Variants in ARHGAP24 observed in about 807,000 individuals in gnomAD.
ARHGAP24 encodes rho GTPase-activating protein 24.
ARHGAP24 carries 50 observed loss-of-function variants against 76.4 expected under a neutral mutation model. The ratio of observed to expected loss-of-function variants is 0.65; its 90% CI spans 0.52 to 0.83. The LOEUF (loss-of-function observed/expected upper bound fraction) is 0.83. Ranked by LOEUF, ARHGAP24 falls within the 40% of genes least tolerant of loss-of-function variation. The pLI, the probability that ARHGAP24 is intolerant of heterozygous loss-of-function variation, is 0.00. For synonymous variants in ARHGAP24, 345 were observed against 323.3 expected (o/e 1.07, Z -0.72); for missense variants, 930 against 914.2 (o/e 1.02, Z -0.22).
chr4:85,592,965 T>C (rs1728178131), intron 2 of ARHGAP24, among the ~76,000 whole-genome samples: 1 of 152,054 alleles, frequency 6.6e-6, no homozygotes, highest in Non-Finnish European at 1.5e-5. Flanking sequence ...TATCTCTTTG[T>C]ATACCTAGCA....
chr4:85,502,580 ACT>A (rs1723866120), intron 1 of ARHGAP24, among the ~76,000 whole-genome samples: 2 of 151,968 alleles, frequency 1.3e-5, no homozygotes, highest in South Asian at 4.2e-4. Flanking sequence ...GTATCCTGAG[ACT>A]CTGCTGAAGT....
At chr4:85,813,153 A>G (rs1729083660) in intron 3 of ARHGAP24, among the ~76,000 whole-genome samples, 1 of 152,210 alleles carries the variant, frequency 6.6e-6, no homozygotes. Flanking sequence ...TCATTGGATG[A>G]CAATCAGAAA....
chr4:85,762,747 C>G (rs1471231262), intron 3 of ARHGAP24, among the ~76,000 whole-genome samples: 1 of 152,134 alleles, frequency 6.6e-6, no homozygotes, highest in Admixed American at 6.5e-5. Context: ...GCTGACCCAA[C>G]AGGAAATAAT....
intron 3 of ARHGAP24, among the ~76,000 whole-genome samples, chr4:85,768,592 C>G (rs1392539713): frequency 6.6e-6 from 1 of 151,960 alleles, no homozygotes; most frequent in South Asian, 2.1e-4. Context: ...CAAAAATTAG[C>G]CGGGCATGGT....
Position 85,740,189 on chromosome 4 carries a change from C to T in ARHGAP24, c.268+18217C>T, listed in dbSNP as rs79166486. ...AACTTCTATTGAAAGTACCTACCTCCGATCTGGGATATTCTTTTTGTTGTT... is the reference window on the plus strand; with the variant it reads ...AACTTCTATTGAAAGTACCTACCTCTGATCTGGGATATTCTTTTTGTTGTT... On this transcript the variant is annotated intron_variant, in intron 3 of 9. Transcript: ENST00000395184. 1.8e-3 allele frequency among the ~76,000 whole-genome samples: 266 copies of T among 150,780 alleles called. 1 individual carries two copies. The highest frequency in any genetic ancestry group is 6.3e-3 in the African/African-American group (261 of 41,188).
chr4:85,925,821 T>C (rs1735990871), intron 4 of ARHGAP24, among the ~76,000 whole-genome samples: 1 of 152,156 alleles, frequency 6.6e-6, no homozygotes, highest in Admixed American at 6.5e-5. Flanking sequence ...TAATGTTTGC[T>C]AGCACCTCCA....
At chr4:85,571,745 C>G (rs1368954177) in intron 2 of ARHGAP24, among the ~76,000 whole-genome samples, 1 of 152,048 alleles carries the variant, frequency 6.6e-6, no homozygotes, top group Non-Finnish European at 1.5e-5. Flanking sequence ...TTTACCAAGG[C>G]TGGACATCAG....
intron 3 of ARHGAP24, among the ~76,000 whole-genome samples, chr4:85,760,823 C>G (rs776600920): frequency 6.6e-6 from 1 of 152,166 alleles, no homozygotes; most frequent in Admixed American, 6.6e-5. Flanking sequence ...ACTTGCCCCA[C>G]GTAGTTAACA....
intron 2 of ARHGAP24, among the ~76,000 whole-genome samples, chr4:85,687,863 G>A (rs1422607791): frequency 6.6e-6 from 1 of 151,844 alleles, no homozygotes; most frequent in African/African-American, 2.4e-5. Flanking sequence ...CCAGGCTGGA[G>A]TGCAGTGGTA....
intron 2 of ARHGAP24, among the ~76,000 whole-genome samples, chr4:85,697,428 C>T (rs557905972): frequency 6.6e-6 from 1 of 152,172 alleles, no homozygotes; most frequent in South Asian, 2.1e-4. Context: ...TTAATCCAGC[C>T]TATCGTTGTT....
chr4:85,735,710 A>G (rs942603375), intron 3 of ARHGAP24, among the ~76,000 whole-genome samples: 1 of 152,046 alleles, frequency 6.6e-6, no homozygotes, highest in Non-Finnish European at 1.5e-5. Flanking sequence ...ATATTCTACT[A>G]GCTTGTCTTC....
At chr4:85,753,046 G>T (rs13137008) in intron 3 of ARHGAP24, among the ~76,000 whole-genome samples, 78,307 of 151,972 alleles carry the variant, frequency 0.52, 23,307 homozygotes, top group Non-Finnish European at 0.69. Flanking sequence ...TGTTTAATTT[G>T]GGAAAAGGTT....
intron 2 of ARHGAP24, among the ~76,000 whole-genome samples, chr4:85,622,745 C>A (rs1443466804): frequency 1.3e-5 from 2 of 152,206 alleles, no homozygotes; most frequent in Non-Finnish European, 2.9e-5. Flanking sequence ...TCTCCACATC[C>A]TCTCCAGCAC....
chr4:85,756,758 T>C (rs1222856131), intron 3 of ARHGAP24, among the ~76,000 whole-genome samples: 1 of 152,184 alleles, frequency 6.6e-6, no homozygotes, highest in African/African-American at 2.4e-5. Context: ...TTTCGGCTCC[T>C]GCAGTTGGGT....
intron 2 of ARHGAP24, among the ~76,000 whole-genome samples, chr4:85,590,910 A>G (rs1728068513): frequency 6.6e-6 from 1 of 152,092 alleles, no homozygotes; most frequent in African/African-American, 2.4e-5. Context: ...AAAAAAATAA[A>G]GAGTAGTCAA....
At chr4:85,509,389 C>A (rs943909210) in intron 1 of ARHGAP24, among the ~76,000 whole-genome samples, 4 of 151,796 alleles carry the variant, frequency 2.6e-5, no homozygotes, top group African/African-American at 9.7e-5. Flanking sequence ...TGGTTCTTAA[C>A]TGGAAATGTC....
chr4:85,573,810 A>G (rs1466234443), intron 2 of ARHGAP24, among the ~76,000 whole-genome samples: 1 of 152,248 alleles, frequency 6.6e-6, no homozygotes, highest in Non-Finnish European at 1.5e-5. Context: ...ATGAGGAGCT[A>G]GGAGTCACTT....
chr4:85,752,833 G>GAGC (rs929524796), intron 3 of ARHGAP24, among the ~76,000 whole-genome samples: 6 of 152,172 alleles, frequency 3.9e-5, no homozygotes, highest in Non-Finnish European at 8.8e-5. Flanking sequence ...TGGCACAAAG[G>GAGC]AGCCCTAAAT....
intron 3 of ARHGAP24, among the ~76,000 whole-genome samples, chr4:85,882,198 A>C (rs1733296354): frequency 6.6e-6 from 1 of 152,162 alleles, no homozygotes; most frequent in Admixed American, 6.5e-5. Context: ...TGAGTTCCAA[A>C]TCTGTGTCTA....
Sources: allele counts gnomAD v4.1 joint callset (sites outside exome capture counted in the v4.1 genomes callset), GRCh38; gene constraint gnomAD v4.1.1; transcripts MANE v1.5; gene names NCBI Gene and HGNC (gene_info 2026-07-23, HGNC 2026-07-21).